Variants in EPB41L4B observed in about 807,000 individuals in gnomAD.
EPB41L4B encodes band 4.1-like protein 4B.
EPB41L4B carries 30 observed loss-of-function variants against 112.5 expected under a neutral mutation model. The ratio of observed to expected loss-of-function variants is 0.27; its 90% CI spans 0.20 to 0.36. The LOEUF (loss-of-function observed/expected upper bound fraction) is 0.36, where lower values mean the gene tolerates loss of function less well. Ranked by LOEUF, EPB41L4B falls within the 10% of genes least tolerant of loss-of-function variation. The pLI is 1.00. For missense variants in EPB41L4B, 1,024 were observed against 1,133.3 expected, an observed-to-expected ratio of 0.90 and a Z score of 1.38; for synonymous variants, 408 against 439.7, an observed-to-expected ratio of 0.93 and a Z score of 0.90.
chr9:109,221,479 T>A (rs1407701220), intron 15 of EPB41L4B, among the ~76,000 whole-genome samples: 1 of 152,066 alleles, frequency 6.6e-6, no homozygotes, highest in East Asian at 1.9e-4. Context: ...CACCCTGCCC[T>A]TCTTCCTTGC....
chr9:109,212,042 A>T (rs1396462466), intron 17 of EPB41L4B, among the ~76,000 whole-genome samples: 2 of 152,058 alleles, frequency 1.3e-5, no homozygotes, highest in African/African-American at 2.4e-5. Flanking sequence ...TGGAGGAGAT[A>T]GGAAGGGAGT....
At chr9:109,195,340 A>T (rs771384052) in intron 20 of EPB41L4B, among the ~76,000 whole-genome samples, 2 of 152,216 alleles carry the variant, frequency 1.3e-5, no homozygotes. Flanking sequence ...TGGGAACATG[A>T]GGCCGTGAGA....
intron 14 of EPB41L4B, among the ~76,000 whole-genome samples, chr9:109,244,834 C>A (rs1834490992): frequency 6.6e-6 from 1 of 152,222 alleles, no homozygotes; most frequent in African/African-American, 2.4e-5. Context: ...GCCACTGTTA[C>A]TCTTTTAATT....
At chr9:109,280,624 T>C (rs1022482901) in intron 1 of EPB41L4B, among the ~76,000 whole-genome samples, 4 of 152,100 alleles carry the variant, frequency 2.6e-5, no homozygotes, top group African/African-American at 9.7e-5. Flanking sequence ...CCACCTCTCC[T>C]TGGGAAAACT....
At chr9:109,241,440 C>T in intron 15 of EPB41L4B, 1 of 1,306,476 alleles carries the variant, frequency 7.7e-7, no homozygotes, top group Non-Finnish European at 9.7e-7. Context: ...CAATATGATT[C>T]CTGAGCCTTT....
At chr9:109,302,531 A>G (rs1837009062) in intron 1 of EPB41L4B, among the ~76,000 whole-genome samples, 1 of 152,120 alleles carries the variant, frequency 6.6e-6, no homozygotes, top group African/African-American at 2.4e-5. Flanking sequence ...GGGGGCCACA[A>G]TTCAGCCCCA....
intron 7 of EPB41L4B, among the ~76,000 whole-genome samples, chr9:109,257,958 T>C (rs1288145586): frequency 6.6e-6 from 1 of 152,174 alleles, no homozygotes; most frequent in Non-Finnish European, 1.5e-5. Context: ...ATAGTGCCAC[T>C]GCACTCTGGC....
chr9:109,267,368 T>C lies in EPB41L4B; in HGVS notation c.533+105A>G, dbSNP rs79177638. On this transcript the variant is annotated intron_variant, in intron 4 of 25. Coordinates refer to ENST00000374566, the MANE Select transcript of EPB41L4B (RefSeq NM_019114.5). ...AGTACTAATAACTCTTGCTGAGAAA[T>C]AGACAGCAGACAGAAGAAGAGGCAA... The C allele has an allele frequency of 3.4e-3, 2,346 of 684,474 alleles. 26 individuals carry two copies. The highest frequency in any genetic ancestry group is 0.023 in the East Asian group (902 of 38,602). The allele number at this position is 684,474 out of a possible 1,614,324, so 42.4% of individuals were successfully genotyped here. A position where few individuals can be genotyped will look rare whatever the true frequency, so the allele number is the denominator to read the frequency against.
chr9:109,234,519 C>CT (rs527561407), intron 15 of EPB41L4B, among the ~76,000 whole-genome samples: 12 of 152,288 alleles, frequency 7.9e-5, no homozygotes, highest in African/African-American at 2.6e-4. Context: ...GGAAAAGTAA[C>CT]TTTTGGCTAT....
chr9:109,268,768 G>A (rs796421348), intron 2 of EPB41L4B, among the ~76,000 whole-genome samples: 116 of 151,954 alleles, frequency 7.6e-4, no homozygotes, highest in African/African-American at 2.6e-3. Flanking sequence ...ATGGTGGCGC[G>A]CGCCTGTAGT....
Position 109,217,071 on chromosome 9 carries a change from G to C in EPB41L4B, c.1484C>G (p.Pro495Arg), listed in dbSNP as rs536573534. The C allele has an allele frequency of 1.9e-6, 3 of 1,614,062 alleles. No individual in the cohort carries two copies. The highest frequency in any genetic ancestry group is 1.3e-5 in the African/African-American group (1 of 74,926). ...PFGIEENGGTPFLTAASGRHH... is the reference protein window; with the variant it reads ...PFGIEENGGTRFLTAASGRHH... ...CCTTCCTGAAGCTGCGGTGAGGAAC[G>C]GTGTGCCCCCATTCTCCTCAATGCC... Residue 495 changes from proline (P) to arginine (R), a missense_variant, in exon 16 of 26, where the codon CCG becomes CGG. Coordinates refer to ENST00000374566, the MANE Select transcript of EPB41L4B (RefSeq NM_019114.5).
chr9:109,294,899 G>C (rs895190256), intron 1 of EPB41L4B, among the ~76,000 whole-genome samples: 1 of 152,138 alleles, frequency 6.6e-6, no homozygotes, highest in Non-Finnish European at 1.5e-5. Context: ...ACGTGCAAAG[G>C]AGTTGGGGAT....
chr9:109,187,390 T>C (rs1201041286), intron 22 of EPB41L4B, among the ~76,000 whole-genome samples: 1 of 149,580 alleles, frequency 6.7e-6, no homozygotes, highest in African/African-American at 2.4e-5. Context: ...CTATTCAAAT[T>C]TGGGAGATGT....
At chr9:109,217,371 T>C (rs981433679) in intron 15 of EPB41L4B, among the ~76,000 whole-genome samples, 1 of 152,224 alleles carries the variant, frequency 6.6e-6, no homozygotes, top group Admixed American at 6.5e-5. Flanking sequence ...CTTAAAGAAG[T>C]ATTTGAAATT....
At chr9:109,200,667 C>T (rs1832793377) in intron 19 of EPB41L4B, among the ~76,000 whole-genome samples, 1 of 152,150 alleles carries the variant, frequency 6.6e-6, no homozygotes, top group Non-Finnish European at 1.5e-5. Flanking sequence ...GGGTTTGGCT[C>T]ATAACCAGGT....
At chr9:109,277,929 A>G (rs1835898253) in intron 2 of EPB41L4B, among the ~76,000 whole-genome samples, 1 of 152,170 alleles carries the variant, frequency 6.6e-6, no homozygotes, top group African/African-American at 2.4e-5. Context: ...ACACACGAGA[A>G]TCTATGTGGG....
intron 14 of EPB41L4B, among the ~76,000 whole-genome samples, 168 bp from the exon 15 acceptor site, chr9:109,243,850 C>T (rs1834443926): frequency 6.6e-6 from 1 of 152,216 alleles, no homozygotes; most frequent in African/African-American, 2.4e-5. Context: ...CACGTTTCCC[C>T]CTCTGACAAA....
intron 6 of EPB41L4B, among the ~76,000 whole-genome samples, chr9:109,258,926 T>C (rs1019235055): frequency 2.0e-5 from 3 of 152,052 alleles, no homozygotes; most frequent in African/African-American, 7.2e-5. Context: ...GAAGCCCAAT[T>C]TGTGCTGCAA....
chr9:109,255,381 G>A, intron 11 of EPB41L4B, 130 bp downstream of exon 11: 4 of 1,064,254 alleles, frequency 3.8e-6, no homozygotes, highest in Non-Finnish European at 5.4e-6. Context: ...CTCACCTTAA[G>A]AAACGTGGGG....
Sources: allele counts gnomAD v4.1 joint callset (sites outside exome capture counted in the v4.1 genomes callset), GRCh38; gene constraint gnomAD v4.1.1; transcripts MANE v1.5; gene names NCBI Gene and HGNC (gene_info 2026-07-23, HGNC 2026-07-21).